The following SYT17 variants were observed in gnomAD, a reference collection of about 807,000 sequenced individuals.
SYT17 encodes the protein synaptotagmin-17.
In SYT17, 22 loss-of-function variants were observed where a neutral mutation model predicts 46.7. The ratio of observed to expected loss-of-function variants is 0.47; its 90% confidence interval spans 0.34 to 0.67. The LOEUF (loss-of-function observed/expected upper bound fraction) is 0.67. Among genes scored for constraint, SYT17 ranks in the 30% least tolerant of loss-of-function variants. SYT17 has a pLI of 0.01. For synonymous variants in SYT17, 251 were observed against 248.4 expected, an observed-to-expected ratio of 1.01 and a Z score of -0.10; for missense variants, 519 against 612.8, an observed-to-expected ratio of 0.85 and a Z score of 1.62.
At chr16:19,231,905 G>T (rs1360696021) in intron 7 of SYT17, among the ~76,000 whole-genome samples, 1 of 152,192 alleles carries the variant, frequency 6.6e-6, no homozygotes, top group African/African-American at 2.4e-5. Context: ...ATTGTAAATT[G>T]GTCTAAGGGC....
At chr16:19,218,836 T>C (rs1462552774) in intron 5 of SYT17, among the ~76,000 whole-genome samples, 1 of 152,208 alleles carries the variant, frequency 6.6e-6, no homozygotes, top group African/African-American at 2.4e-5. Context: ...CTTTGTTCCT[T>C]TGAACACACT....
chr16:19,195,471 T>G (rs2142700046), intron 5 of SYT17, among the ~76,000 whole-genome samples: 1 of 152,066 alleles, frequency 6.6e-6, no homozygotes, highest in East Asian at 1.9e-4. Flanking sequence ...ATCCCACCAC[T>G]TTGAGAGGCT....
intron 5 of SYT17, among the ~76,000 whole-genome samples, chr16:19,187,022 T>C (rs754327171): frequency 4.6e-5 from 7 of 152,088 alleles, no homozygotes; most frequent in Non-Finnish European, 1.0e-4. Flanking sequence ...ATTTGCTTTT[T>C]TAAAATTATT....
chr16:19,196,561 T>A (rs931350696), intron 5 of SYT17, among the ~76,000 whole-genome samples: 6 of 141,496 alleles, frequency 4.2e-5, no homozygotes, highest in East Asian at 2.0e-4. Context: ...TTTTTTTTTT[T>A]AAATGACTTT....
intron 5 of SYT17, among the ~76,000 whole-genome samples, chr16:19,205,558 G>A (rs925332948): frequency 5.9e-5 from 9 of 151,940 alleles, no homozygotes; most frequent in Admixed American, 5.9e-4. Context: ...TCGTGCCTCA[G>A]CCTCCTGAGT....
chr16:19,231,435 G>A (rs776171196), intron 7 of SYT17, among the ~76,000 whole-genome samples: 1 of 149,202 alleles, frequency 6.7e-6, no homozygotes, highest in Non-Finnish European at 1.5e-5. Flanking sequence ...GCTGGGCATG[G>A]TGGCGGGTGC....
intron 5 of SYT17, among the ~76,000 whole-genome samples, chr16:19,221,322 A>G (rs1442031696): frequency 2.6e-5 from 4 of 152,236 alleles, no homozygotes; most frequent in Middle Eastern, 3.4e-3. Flanking sequence ...GCCTGACTAA[A>G]GTTTGGTCAA....
In SYT17 at chr16:19,263,654, A is replaced by G. The variant is rs537460778; in HGVS notation, c.1229-3226A>G. ...AAATTACAACTCAAAAAAAAAAAAA[A>G]AAAAGAAAAGAAAAAAAAAACTTGG... On this transcript the variant is annotated intron_variant, in intron 7 of 7. Transcript: ENST00000355377. Among the ~76,000 whole-genome samples, 97 of 151,098 alleles carry G rather than the reference A, an allele frequency of 6.4e-4. 1 individual carries two copies. In the East Asian group the frequency reaches 0.011, roughly 17 times the overall value.
chr16:19,247,164 G>C (rs1421664410), intron 7 of SYT17, among the ~76,000 whole-genome samples: 2 of 152,186 alleles, frequency 1.3e-5, no homozygotes, highest in Non-Finnish European at 2.9e-5. Context: ...AGTGATTGAG[G>C]TGGAGAAGTA....
rs1964683413 is a variant in SYT17 at position 19,184,163 on chromosome 16, G to A, written c.951+16G>A. 1 of 1,594,276 alleles carries A rather than the reference G, an allele frequency of 6.3e-7. No individual in the cohort carries two copies. The highest frequency in any genetic ancestry group is 1.1e-5 in the South Asian group (1 of 89,734). ...CAGTTCTCAGGTAAGGGATGGGTTT[G>A]TGGTGTTTCCTCCTGGGAGCTTTTT... On this transcript the variant is annotated intron_variant, in intron 5 of 7. Transcript: ENST00000355377.
intron 5 of SYT17, among the ~76,000 whole-genome samples, chr16:19,185,388 A>G (rs529450306): frequency 5.0e-4 from 76 of 152,248 alleles, no homozygotes; most frequent in African/African-American, 1.7e-3. Flanking sequence ...GGCGTTCAAG[A>G]CCAGCCTGGG....
At chr16:19,246,190 C>T (rs1462575251) in intron 7 of SYT17, among the ~76,000 whole-genome samples, 1 of 152,058 alleles carries the variant, frequency 6.6e-6, no homozygotes. Context: ...CGGGGTTTCA[C>T]CATGTTGGCC....
Position 19,183,956 on chromosome 16 carries a change from C to T in SYT17, c.760C>T (p.Pro254Ser). Residue 254 changes from proline (P) to serine (S), a missense_variant, in exon 5 of 8, where the codon CCC becomes TCC. Physicochemically the swap from Pro to Ser is moderately conservative, Grantham distance 74. Transcript: ENST00000355377. This position sits in a 1 kb window ranked among gnomAD's most constrained non-coding sequence, Gnocchi z 5.6. ...CGGGGTCAAACGCAAGACCCAGAAG[C>T]CCGTGTTTGAGGAGCGCTACACCTT... ...QTGVKRKTQK[P>S]VFEERYTFEI... The T allele has an allele frequency of 6.2e-7, 1 of 1,614,174 alleles. No individual in the cohort carries two copies. The highest frequency in any genetic ancestry group is 1.1e-5 in the South Asian group (1 of 91,090).
At chr16:19,249,995 T>C (rs1567232983) in intron 7 of SYT17, 1 of 1,536,016 alleles carries the variant, frequency 6.5e-7, no homozygotes, top group Non-Finnish European at 8.7e-7. Flanking sequence ...GCTCATGGTA[T>C]CAGTCCTTGG....
In SYT17 at chr16:19,223,136, T is replaced by C; in HGVS notation, c.1043T>C (p.Leu348Pro). ...LNVDVIRAKQ[L>P]LQTDVSQGSD... ...GTTGATGTCATTCGAGCCAAGCAAC[T>C]TCTTCAGACAGATGTGAGCCAAGGT... The change falls in exon 6 of 8, where the codon CTT becomes CCT. Residue 348 changes from leucine (L) to proline (P), a missense_variant. By Grantham distance (98) the Leu-to-Pro change is moderately conservative. Coordinates refer to ENST00000355377, the MANE Select transcript of SYT17 (RefSeq NM_016524.4). The C allele has an allele frequency of 6.2e-7, 1 of 1,613,982 alleles. No individual in the cohort carries two copies.
rs889124133 is a variant in SYT17, at chr16:19,185,258, G to C, written c.951+1111G>C. On this transcript the variant is annotated intron_variant, in intron 5 of 7. Coordinates refer to ENST00000355377, the MANE Select transcript of SYT17 (RefSeq NM_016524.4). ...AACAGGGACGGGAGATGGAGAAACA[G>C]GGGAGGGGGCTTTGGCCACCATGAG... Among the ~76,000 whole-genome samples the C allele has an allele frequency of 2.0e-5, 3 of 152,138 alleles. No homozygotes were observed. In the South Asian group the frequency reaches 6.2e-4, roughly 32 times the overall value.
chr16:19,249,793 G>A, intron 7 of SYT17: 1 of 712,256 alleles, frequency 1.4e-6, no homozygotes, highest in East Asian at 3.0e-5. Flanking sequence ...TTCAGGCCCT[G>A]GTTGGTGTTT....
intron 7 of SYT17, among the ~76,000 whole-genome samples, chr16:19,244,158 C>T (rs1015940305): frequency 2.0e-4 from 31 of 152,246 alleles, no homozygotes; most frequent in East Asian, 3.9e-4. Flanking sequence ...AACAACCAGA[C>T]GAGGTAGGTT....
intron 5 of SYT17, among the ~76,000 whole-genome samples, chr16:19,200,429 C>G (rs1965416315): frequency 6.6e-6 from 1 of 152,194 alleles, no homozygotes; most frequent in African/African-American, 2.4e-5. Context: ...ATTTTACATT[C>G]ATTTTTCACA....
Sources: gnomAD v4.1 joint callset for allele counts (sites outside exome capture counted in the v4.1 genomes callset) on GRCh38, gnomAD v4.1.1 for gene constraint, Gnocchi (gnomAD v3.1) non-coding constraint, MANE v1.5 for transcripts, NCBI Gene and HGNC (gene_info 2026-07-23, HGNC 2026-07-21) for gene names.